Variants in NFRKB observed in about 807,000 individuals in gnomAD.
NFRKB encodes the protein nuclear factor related to kappa-B-binding protein.
Under a neutral mutation model 135.7 loss-of-function variants are expected in NFRKB, and 62 were observed. The ratio of observed to expected loss-of-function variants is 0.46; its 90% CI spans 0.37 to 0.56. NFRKB has a LOEUF of 0.56. NFRKB is among the 20% of genes least tolerant of loss of function. The pLI is 0.00. For synonymous variants in NFRKB, 678 were observed against 635.6 expected, an observed-to-expected ratio of 1.07 and a Z score of -1.00; for missense variants, 1,545 against 1,662.0, an observed-to-expected ratio of 0.93 and a Z score of 1.22.
In NFRKB at chr11:129,883,165, G is replaced by A; in HGVS notation, c.858C>T (p.Asp286=). 6.2e-7 allele frequency: 1 copy of A among 1,614,100 alleles called. No homozygotes were observed. ...DLLTGDLTLN[D]IMTRVNAGRK... ...TGCCAGCATTTACTCGAGTCATGAT[G>A]TCATTGAGAGTCAGGTCCCCTGTCA... The change falls in exon 9 of 27, where the codon GAC becomes GAT. Residue 286 remains aspartate, a synonymous_variant. Coordinates refer to ENST00000682444, the MANE Select transcript of NFRKB (RefSeq NM_001143835.2).
chr11:129,888,382 G>A, intron 4 of NFRKB: 1 of 686,702 alleles, frequency 1.5e-6, no homozygotes, highest in Non-Finnish European at 2.6e-6. Flanking sequence ...GTTACAAGCT[G>A]AATTCATATT....
chr11:129,874,387 G>A lies in NFRKB; in HGVS notation c.2059-54C>T, dbSNP rs1948667173. 1 of 1,523,424 alleles carries A rather than the reference G, an allele frequency of 6.6e-7. No individual in the cohort carries two copies. The highest frequency in any genetic ancestry group is 8.8e-7 in the Non-Finnish European group (1 of 1,138,298). 94.4% of individuals were successfully genotyped at this position (1,523,424 alleles called of 1,614,324 possible). A position where few individuals can be genotyped will look rare whatever the true frequency, so the allele number is the denominator to read the frequency against. On this transcript the variant is annotated intron_variant, in intron 20 of 26. Transcript: ENST00000682444. The surrounding 1 kb of genome is among the most constrained non-coding windows in gnomAD (Gnocchi z 4.5). ...TGGTGTCGTGAAGATCCCCCTAAAG[G>A]AAGGGACACCCCTACAGCTCCTGAT...
At chr11:129,886,505 A>G (rs1206453790) in intron 4 of NFRKB, 61 bp from the exon 5 acceptor site, 1 of 1,467,154 alleles carries the variant, frequency 6.8e-7, no homozygotes, top group African/African-American at 1.4e-5. Flanking sequence ...ATCAGTCAAC[A>G]AATATATTGA....
chr11:129,885,634 C>T, intron 5 of NFRKB, 25 bp from the exon 6 acceptor site: 2 of 1,584,920 alleles, frequency 1.3e-6, no homozygotes, highest in Non-Finnish European at 1.7e-6. Context: ...GGTGGGGGTA[C>T]AAGTCATCAT....
At chr11:129,878,082 T>C (rs541519492) in intron 15 of NFRKB, among the ~76,000 whole-genome samples, 124 of 152,292 alleles carry the variant, frequency 8.1e-4, no homozygotes, top group African/African-American at 2.9e-3. Context: ...AAGCAGGTCA[T>C]ATGCCCCTTA....
rs773178989 is a variant in NFRKB at position 129,878,301 on chromosome 11, G to A, written c.1511+8C>T. The A allele has an allele frequency of 6.2e-7, 1 of 1,614,008 alleles. No homozygotes were observed. The highest frequency in any genetic ancestry group is 2.2e-5 in the East Asian group (1 of 44,872). On this transcript the variant is annotated splice_region_variant and intron_variant, in intron 15 of 26. Coordinates refer to ENST00000682444, the MANE Select transcript of NFRKB (RefSeq NM_001143835.2). ...GGACACCACCCACCACTACAGTATT[G>A]TACTCACACCCGAGGGACAGGTGTT...
chr11:129,873,460 A>G (rs1431608932), intron 22 of NFRKB, among the ~76,000 whole-genome samples: 1 of 152,174 alleles, frequency 6.6e-6, no homozygotes, highest in African/African-American at 2.4e-5. Flanking sequence ...TGAGAGGCAG[A>G]CTCACAAGGT....
Position 129,874,386 on chromosome 11 carries a change from G to T in NFRKB, c.2059-53C>A. On this transcript the variant is annotated intron_variant, in intron 20 of 26. Transcript: ENST00000682444. This position sits in a 1 kb window ranked among gnomAD's most constrained non-coding sequence, Gnocchi z 4.5. ...CTGGTGTCGTGAAGATCCCCCTAAAGGAAGGGACACCCCTACAGCTCCTGA... is the reference window on the plus strand; with the variant it reads ...CTGGTGTCGTGAAGATCCCCCTAAATGAAGGGACACCCCTACAGCTCCTGA... 6.6e-7 allele frequency: 1 copy of T among 1,523,798 alleles called. No homozygotes were observed. The highest frequency in any genetic ancestry group is 8.8e-7 in the Non-Finnish European group (1 of 1,138,648). 94.4% of individuals were successfully genotyped at this position (1,523,798 alleles called of 1,614,324 possible). A position where few individuals can be genotyped will look rare whatever the true frequency, so the allele number is the denominator to read the frequency against.
At position 129,878,451 on chromosome 11, in the gene NFRKB, T is replaced by TA. The variant is rs776553528; in HGVS notation, c.1464+12dup. On this transcript the variant is annotated intron_variant, in intron 14 of 26. Transcript: ENST00000682444. ...CCAGTGAGAAGGATCTGGTATTTCT[T>TA]AAAAAAACATACCTTACAGAAGGCC... The TA allele has an allele frequency of 2.5e-6, 4 of 1,613,668 alleles. No individual in the cohort carries two copies. Among genetic ancestry groups the TA allele is most frequent in the East Asian group, 4.5e-5 (2 of 44,884 alleles).
In NFRKB at chr11:129,873,860, C is replaced by G. The variant is rs1948634266; in HGVS notation, c.2435G>C (p.Ser812Thr). 2 of 1,614,036 alleles carry G rather than the reference C, an allele frequency of 1.2e-6. No individual in the cohort carries two copies. The highest frequency in any genetic ancestry group is 2.7e-5 in the African/African-American group (2 of 74,922). Residue 812 changes from serine (S) to threonine (T), a missense_variant, in exon 22 of 27, where the codon AGC becomes ACC. Ser to Thr is a moderately conservative substitution (Grantham distance 58). Around this residue, in one of 3 missense-constraint regions of NFRKB, gnomAD observed 753 missense variants for 804.3 expected, o/e 0.94. Coordinates refer to ENST00000682444, the MANE Select transcript of NFRKB (RefSeq NM_001143835.2). ...LSQVRVVAQP[S>T]LPAVPQQSGG... The stretch of plus-strand genomic sequence containing the variant: ...CGACTGCTGGGGAACAGCAGGAAGG[C>G]TAGGCTGGGCCACCACTCGCACCTG...
Position 129,888,313 on chromosome 11 carries a change from T to A in NFRKB, c.337+281A>T. 6.5e-6 allele frequency: 4 copies of A among 618,780 alleles called. No individual in the cohort carries two copies. The East Asian group carries it at 1.1e-4, about 17-fold the overall frequency. 38.3% of individuals were successfully genotyped at this position (618,780 alleles called of 1,614,324 possible). A position where few individuals can be genotyped will look rare whatever the true frequency, so the allele number is the denominator to read the frequency against. On this transcript the variant is annotated intron_variant, in intron 4 of 26. Coordinates refer to ENST00000682444, the MANE Select transcript of NFRKB (RefSeq NM_001143835.2). ...TTAAAGACCAGACATGAAGGGCACC[T>A]CTAGTATGCTGGAAATGTTTTATTT...
At chr11:129,878,182 C>T in intron 15 of NFRKB, 127 bp downstream of exon 15, 1 of 946,820 alleles carries the variant, frequency 1.1e-6, no homozygotes, top group South Asian at 1.6e-5. Context: ...CAGGAAGAAC[C>T]AGGGGACTCC....
rs753899605 is a variant in NFRKB at position 129,878,413 on chromosome 11, G to C, written c.1464+51C>G. ...GACTAAAGAATTTGGGCAAACTTAAGAGCTCTGGAAACCCAGTGAGAAGGA... is the reference window on the plus strand; with the variant it reads ...GACTAAAGAATTTGGGCAAACTTAACAGCTCTGGAAACCCAGTGAGAAGGA... On this transcript the variant is annotated intron_variant, in intron 14 of 26. Coordinates refer to ENST00000682444, the MANE Select transcript of NFRKB (RefSeq NM_001143835.2). 5.6e-6 allele frequency: 9 copies of C among 1,612,900 alleles called. No homozygotes were observed. In the South Asian group the frequency reaches 6.6e-5, roughly 12 times the overall value.
At chr11:129,878,252 C>G (rs1392307189) in intron 15 of NFRKB, 57 bp downstream of exon 15, 1 of 1,559,872 alleles carries the variant, frequency 6.4e-7, no homozygotes, top group East Asian at 2.2e-5. Flanking sequence ...AAAACCAAGG[C>G]AGTATCTGAA....
chr11:129,878,770 C>G (rs142748444), intron 13 of NFRKB, among the ~76,000 whole-genome samples: 1 of 152,212 alleles, frequency 6.6e-6, no homozygotes, highest in East Asian at 1.9e-4. Context: ...CGCTGAGTAT[C>G]CACTGTGCCA....
intron 13 of NFRKB, 65 bp downstream of exon 13, chr11:129,881,378 A>G (rs1949017854): frequency 1.3e-6 from 2 of 1,530,894 alleles, no homozygotes; most frequent in African/African-American, 1.4e-5. Context: ...CTGGAAGGCA[A>G]ATAAACTTAG....
chr11:129,886,898 C>CA (rs1949304869), intron 4 of NFRKB, among the ~76,000 whole-genome samples: 1 of 152,206 alleles, frequency 6.6e-6, no homozygotes, highest in Non-Finnish European at 1.5e-5. Context: ...AGTGCACCCT[C>CA]AGCTGTAGTG....
intron 13 of NFRKB, among the ~76,000 whole-genome samples, chr11:129,879,385 A>G (rs960344796): frequency 4.6e-5 from 7 of 152,050 alleles, no homozygotes; most frequent in Non-Finnish European, 1.0e-4. Flanking sequence ...TGCTCCCTCC[A>G]TGGCTACTGC....
chr11:129,879,172 G>C (rs1478814503), intron 13 of NFRKB, among the ~76,000 whole-genome samples: 1 of 152,114 alleles, frequency 6.6e-6, no homozygotes, highest in African/African-American at 2.4e-5. Context: ...ACCATCATCG[G>C]CCAGGTCTGC....
Sources: gnomAD v4.1 joint callset for allele counts (sites outside exome capture counted in the v4.1 genomes callset) on GRCh38, gnomAD v4.1.1 for gene constraint, gnomAD v4.1.1 regional missense constraint, Gnocchi (gnomAD v3.1) non-coding constraint, MANE v1.5 for transcripts, NCBI Gene and HGNC (gene_info 2026-07-23, HGNC 2026-07-21) for gene names.